The following FLNB variants were observed in gnomAD, a reference collection of about 807,000 sequenced individuals.
FLNB encodes the protein filamin B.
FLNB carries 111 observed loss-of-function variants against 250.6 expected under a neutral mutation model. The ratio of observed to expected loss-of-function variants is 0.44; its 90% CI spans 0.38 to 0.52. The LOEUF (loss-of-function observed/expected upper bound fraction) is 0.52, where lower values mean the gene tolerates loss of function less well. Ranked by LOEUF, FLNB falls within the 20% of genes least tolerant of loss-of-function variation. FLNB has a pLI of 0.00. For missense variants in FLNB, 2,869 were observed against 3,447.8 expected (o/e 0.83, Z 4.20); for synonymous variants, 1,302 against 1,372.1 (o/e 0.95, Z 1.13).
chr3:58,024,234 G>A (rs1051332820), intron 1 of FLNB, among the ~76,000 whole-genome samples: 3 of 152,170 alleles, frequency 2.0e-5, no homozygotes, highest in African/African-American at 7.2e-5. Context: ...GATAGACCTT[G>A]CTGCTTTCTA....
At chr3:58,132,971 C>CT in intron 26 of FLNB, 40 bp downstream of exon 26, 1 of 1,592,124 alleles carries the variant, frequency 6.3e-7, no homozygotes, top group Non-Finnish European at 8.6e-7. Context: ...CTCCATCAGT[C>CT]TATCTGTCCA....
rs368699951 is a variant in FLNB at position 58,124,267 on chromosome 3, G to T, written c.3725-65G>T. ...GTGTCCTGAAGTGCCAAGAACCTTG[G>T]TTCTGGGGTTTGCTTTTGGGTCTGG... On this transcript the variant is annotated intron_variant, in intron 21 of 45. Coordinates refer to ENST00000295956, the MANE Select transcript of FLNB (RefSeq NM_001457.4). The T allele has an allele frequency of 9.3e-5, 147 of 1,573,720 alleles. No homozygotes were observed. The South Asian group carries it at 1.1e-3, about 12-fold the overall frequency.
intron 5 of FLNB, among the ~76,000 whole-genome samples, chr3:58,095,172 G>A (rs1193006359): frequency 6.6e-6 from 1 of 152,160 alleles, no homozygotes; most frequent in Non-Finnish European, 1.5e-5. Flanking sequence ...AGTGTTTAAT[G>A]AAATAAAGGA....
Position 58,169,634 on chromosome 3 carries a change from A to C in FLNB, c.7462A>C (p.Ile2488Leu). The change falls in exon 45 of 46, where the codon ATC (isoleucine) becomes CTC (leucine). Residue 2488 changes from isoleucine (I) to leucine (L), a missense_variant. Ile to Leu is a conservative substitution (Grantham distance 5). Around this residue, in one of 5 missense-constraint regions of FLNB, gnomAD observed 1,084 missense variants for 1,315.5 expected, o/e 0.82. Transcript: ENST00000295956. The surrounding 1 kb of genome is among the most constrained non-coding windows in gnomAD (Gnocchi z 4.8). ...TGGCTCAGCCAACGAGACCTCATCC[A>C]TCCTGGTGGAGTCAGTGACCAGGTC... ...SPGSANETSS[I>L]LVESVTRSST... 6.2e-7 allele frequency: 1 copy of C among 1,614,128 alleles called. No individual in the cohort carries two copies. The highest frequency in any genetic ancestry group is 8.5e-7 in the Non-Finnish European group (1 of 1,180,008).
intron 42 of FLNB, among the ~76,000 whole-genome samples, chr3:58,161,695 T>A (rs184256467): frequency 6.6e-6 from 1 of 152,326 alleles, no homozygotes; most frequent in Admixed American, 6.5e-5. Flanking sequence ...GATTTGGTCA[T>A]TGAGCTGCGC....
chr3:58,131,020 TAA>T lies in FLNB; in HGVS notation c.4390+119_4390+120del, dbSNP rs1003047048. The T allele has an allele frequency of 1.4e-5, 14 of 999,200 alleles. No individual in the cohort carries two copies. The East Asian group carries it at 3.7e-4, about 27-fold the overall frequency. The allele number at this position is 999,200 out of a possible 1,614,324, so 61.9% of individuals were successfully genotyped here. A position where few individuals can be genotyped will look rare whatever the true frequency, so the allele number is the denominator to read the frequency against. On this transcript the variant is annotated intron_variant, in intron 25 of 45. Transcript: ENST00000295956. Reference sequence around the variant, plus strand: ...TTTGCTCATGAGCTTAAAATTAAATTAAAAAAAATTATTGTTTCATTTCTAGT... The same window carrying T: ...TTTGCTCATGAGCTTAAAATTAAATTAAAAAATTATTGTTTCATTTCTAGT...
chr3:58,106,702 T>C lies in FLNB; in HGVS notation c.1770T>C (p.Ser590=), dbSNP rs2097260359. The stretch of plus-strand genomic sequence containing the variant: ...TAGGGTTTGCCATTGAAGGCCCCTC[T>C]CAGGCAAAGATTGAGTACAACGACC... The part of the protein sequence containing the change: ...GSLGFAIEGP[S]QAKIEYNDQN... Residue 590 remains serine, a synonymous_variant, in exon 12 of 46, where the codon TCT becomes TCC. Transcript: ENST00000295956. 1 of 1,614,010 alleles carries C rather than the reference T, an allele frequency of 6.2e-7. No individual in the cohort carries two copies. The highest frequency in any genetic ancestry group is 8.5e-7 in the Non-Finnish European group (1 of 1,180,018).
intron 44 of FLNB, chr3:58,168,904 G>T (rs1460311336): frequency 5.8e-6 from 3 of 514,196 alleles, no homozygotes; most frequent in East Asian, 3.6e-5. Context: ...TAACAGGAAA[G>T]AATACATATT....
intron 1 of FLNB, among the ~76,000 whole-genome samples, chr3:58,067,594 T>TG (rs1559670008): frequency 3.5e-4 from 15 of 42,336 alleles, no homozygotes; most frequent in African/African-American, 2.1e-3. Flanking sequence ...TGTTTTTTTG[T>TG]TTTTTTTTTG....
chr3:58,069,175 C>G (rs374553584), intron 1 of FLNB, among the ~76,000 whole-genome samples: 14 of 149,556 alleles, frequency 9.4e-5, no homozygotes, highest in African/African-American at 3.4e-4. Flanking sequence ...GACCCCTGAC[C>G]CATATGTGCT....
Position 58,123,638 on chromosome 3 carries a change from C to T in FLNB, c.3672C>T (p.Pro1224=), listed in dbSNP as rs750279290. Residue 1224 remains proline, a synonymous_variant, in exon 21 of 46, where the codon CCC becomes CCT. Coordinates refer to ENST00000295956, the MANE Select transcript of FLNB (RefSeq NM_001457.4). ...PHFPARVKVE[P]AVDTSRIKVF... Reference sequence around the variant, plus strand: ...TCCCCGCCCGGGTCAAGGTGGAGCCCGCCGTGGACACCAGCAGGATCAAAG... The same window carrying T: ...TCCCCGCCCGGGTCAAGGTGGAGCCTGCCGTGGACACCAGCAGGATCAAAG... 14 of 1,612,070 alleles carry T rather than the reference C, an allele frequency of 8.7e-6. No individual in the cohort carries two copies. The South Asian group carries it at 9.9e-5, about 11-fold the overall frequency.
At chr3:58,040,640 G>A (rs1227928346) in intron 1 of FLNB, among the ~76,000 whole-genome samples, 2 of 152,108 alleles carry the variant, frequency 1.3e-5, no homozygotes, top group African/African-American at 4.8e-5. Context: ...GACTATAGGC[G>A]CATCCTGCCA....
At chr3:58,116,567 G>A (rs1199291083) in intron 18 of FLNB, among the ~76,000 whole-genome samples, 1 of 152,216 alleles carries the variant, frequency 6.6e-6, no homozygotes, top group Non-Finnish European at 1.5e-5. Flanking sequence ...GGGTGGATGA[G>A]TGATGTGGAT....
At chr3:58,078,682 T>A in intron 2 of FLNB, 35 bp from the exon 3 acceptor site, 5 of 1,588,638 alleles carry the variant, frequency 3.1e-6, no homozygotes, top group Non-Finnish European at 3.4e-6. Flanking sequence ...TTTGGTCAGC[T>A]AATGCTAAAA....
At chr3:58,078,881 C>G in intron 3 of FLNB, 67 bp downstream of exon 3, 1 of 1,247,458 alleles carries the variant, frequency 8.0e-7, no homozygotes, top group Non-Finnish European at 1.2e-6. Flanking sequence ...TGGATGCCTT[C>G]CCGGGTCAGG....
At chr3:58,137,246 G>A (rs2097317700) in intron 28 of FLNB, among the ~76,000 whole-genome samples, 1 of 152,224 alleles carries the variant, frequency 6.6e-6, no homozygotes, top group African/African-American at 2.4e-5. Context: ...GCTCAGCGTG[G>A]CCCTTTTTGG....
chr3:58,066,036 C>A (rs1183863509), intron 1 of FLNB, among the ~76,000 whole-genome samples: 1 of 152,008 alleles, frequency 6.6e-6, no homozygotes, highest in Admixed American at 6.6e-5. Context: ...CATGCCCAGG[C>A]GTCCTTGGGG....
At chr3:58,110,237 A>C (rs1357415597) in intron 16 of FLNB, 67 bp downstream of exon 16, 4 of 1,480,026 alleles carry the variant, frequency 2.7e-6, no homozygotes, top group Admixed American at 3.4e-5. Flanking sequence ...ACTTGTGTGC[A>C]TGTCTCATCT....
intron 18 of FLNB, 26 bp downstream of exon 18, chr3:58,112,344 C>T (rs1045424507): frequency 6.2e-7 from 1 of 1,610,278 alleles, no homozygotes; most frequent in African/African-American, 1.3e-5. Context: ...CCTCTGCTCC[C>T]CTGGCCCCCA....
Sources: gnomAD v4.1 joint callset for allele counts (sites outside exome capture counted in the v4.1 genomes callset) on GRCh38, gnomAD v4.1.1 for gene constraint, gnomAD v4.1.1 regional missense constraint, Gnocchi (gnomAD v3.1) non-coding constraint, MANE v1.5 for transcripts, NCBI Gene and HGNC (gene_info 2026-07-23, HGNC 2026-07-21) for gene names.